PDS5A: variants seen among roughly 807,000 people sequenced by gnomAD.
PDS5A encodes PDS5 cohesin associated factor A.
Under a neutral mutation model 167.1 loss-of-function variants are expected in PDS5A, and 42 were observed. That is an observed-to-expected ratio of 0.25 (90% CI 0.20 to 0.33). The LOEUF (loss-of-function observed/expected upper bound fraction) is 0.33. PDS5A is among the 10% of genes least tolerant of loss of function. The pLI is 1.00. For synonymous variants in PDS5A, 553 were observed against 554.6 expected, an observed-to-expected ratio of 1.00 and a Z score of 0.04; for missense variants, 1,033 against 1,605.9, an observed-to-expected ratio of 0.64 and a Z score of 6.10.
At chr4:39,961,195 A>G (rs1729445869) in intron 2 of PDS5A, among the ~76,000 whole-genome samples, 1 of 152,208 alleles carries the variant, frequency 6.6e-6, no homozygotes, top group Non-Finnish European at 1.5e-5. Flanking sequence ...ATCCCTGAAA[A>G]GTATAATCTT....
chr4:39,906,179 G>T (rs912845903), intron 11 of PDS5A, among the ~76,000 whole-genome samples: 3 of 152,058 alleles, frequency 2.0e-5, no homozygotes, highest in Non-Finnish European at 4.4e-5. Context: ...ACCAGCTTGG[G>T]CAACATGGTG....
chr4:39,886,824 G>A (rs1054327930), intron 17 of PDS5A, among the ~76,000 whole-genome samples: 2 of 150,946 alleles, frequency 1.3e-5, no homozygotes, highest in African/African-American at 4.9e-5. Flanking sequence ...AGTATTTCTT[G>A]TAATAGATCT....
intron 18 of PDS5A, among the ~76,000 whole-genome samples, chr4:39,877,937 C>T (rs531168340): frequency 1.3e-5 from 2 of 152,232 alleles, no homozygotes; most frequent in African/African-American, 4.8e-5. Context: ...ACATAATTAT[C>T]AACAAAGAAG....
chr4:39,935,355 C>T (rs1726495102), intron 2 of PDS5A, among the ~76,000 whole-genome samples: 2 of 152,320 alleles, frequency 1.3e-5, no homozygotes, highest in South Asian at 4.1e-4. Flanking sequence ...GCCTTGGCCT[C>T]CCAAAGCGCT....
chr4:39,944,668 C>A (rs1014708215), intron 2 of PDS5A, among the ~76,000 whole-genome samples: 8 of 134,588 alleles, frequency 5.9e-5, no homozygotes, highest in African/African-American at 2.1e-4. Context: ...CACTCCAGCC[C>A]GGGCAACAAC....
Position 39,977,252 on chromosome 4 carries a change from C to G in PDS5A, c.-41+205G>C, listed in dbSNP as rs1221628349. On this transcript the variant is annotated intron_variant, in intron 1 of 32. Transcript: ENST00000303538. The surrounding 1 kb of genome is among the most constrained non-coding windows in gnomAD (Gnocchi z 4.2). ...GCGGCTGACGCGCCTCCGCACTTCA[C>G]ATTTTGTTCCTTCAACTTCGGCTGA... Among the ~76,000 whole-genome samples, 3 of 152,106 alleles carry G rather than the reference C, an allele frequency of 2.0e-5. No individual in the cohort carries two copies. The highest frequency in any genetic ancestry group is 4.4e-5 in the Non-Finnish European group (3 of 67,996).
At chr4:39,841,665 C>T (rs1379049796) in intron 31 of PDS5A, among the ~76,000 whole-genome samples, 1 of 152,096 alleles carries the variant, frequency 6.6e-6, no homozygotes, top group Non-Finnish European at 1.5e-5. Context: ...GTGCCAACCA[C>T]CACGCCCCGG....
At chr4:39,970,608 G>C (rs918238716) in intron 2 of PDS5A, among the ~76,000 whole-genome samples, 1 of 151,550 alleles carries the variant, frequency 6.6e-6, no homozygotes, top group African/African-American at 2.4e-5. Context: ...AACAACCAAA[G>C]TAAATATGGC....
At position 39,976,440 on chromosome 4, in the gene PDS5A, C is replaced by T. The variant is rs183378231; in HGVS notation, c.138G>A (p.Lys46=). ...ITTDEMIKRL[K]MVVKTFMDMD... ...CATCAAAATCCGTCCAGACACTTACCTTCAGGCGTTTGATCATCTCGTCCG... is the reference window on the plus strand; with the variant it reads ...CATCAAAATCCGTCCAGACACTTACTTTCAGGCGTTTGATCATCTCGTCCG... Residue 46 remains lysine (K), a splice_region_variant and synonymous_variant, in exon 2 of 33, where the codon AAG becomes AAA. Coordinates refer to ENST00000303538, the MANE Select transcript of PDS5A (RefSeq NM_001100399.2). 9.7e-5 allele frequency: 156 copies of T among 1,611,686 alleles called. No homozygotes were observed. The African/African-American group carries it at 1.9e-3, about 20-fold the overall frequency.
intron 31 of PDS5A, among the ~76,000 whole-genome samples, chr4:39,839,539 A>G (rs1716755297): frequency 6.6e-6 from 1 of 152,020 alleles, no homozygotes; most frequent in African/African-American, 2.4e-5. Flanking sequence ...ACTGCACTTT[A>G]GCCTGGGCAA....
chr4:39,976,409 C>A (rs754520690), intron 2 of PDS5A, 31 bp downstream of exon 2: 2 of 1,595,416 alleles, frequency 1.3e-6, no homozygotes, highest in African/African-American at 1.3e-5. Context: ...CGCCTTCTAC[C>A]AAAGACATCA....
rs911501927 is a variant in PDS5A, at chr4:39,973,502, A to G, written c.138+2938T>C. 3.0e-6 allele frequency: 4 copies of G among 1,315,118 alleles called. No homozygotes were observed. The African/African-American group carries it at 4.3e-5, about 14-fold the overall frequency. 81.5% of individuals were successfully genotyped at this position (1,315,118 alleles called of 1,614,324 possible). A position where few individuals can be genotyped will look rare whatever the true frequency, so the allele number is the denominator to read the frequency against. Reference sequence around the variant, plus strand: ...AATCTTGATGATAGTATTGATGATGAACGTCTCCAGAAAGAGTTTTCTCCA... The same window carrying G: ...AATCTTGATGATAGTATTGATGATGGACGTCTCCAGAAAGAGTTTTCTCCA... On this transcript the variant is annotated intron_variant, in intron 2 of 32. Transcript: ENST00000303538.
intron 32 of PDS5A, among the ~76,000 whole-genome samples, chr4:39,833,300 G>A (rs1239185851): frequency 6.6e-6 from 1 of 151,610 alleles, no homozygotes; most frequent in East Asian, 1.9e-4. Flanking sequence ...GTCTGGTGAA[G>A]CTTGGGTGGA....
intron 19 of PDS5A, 148 bp from the exon 20 acceptor site, chr4:39,874,560 A>C: frequency 4.7e-6 from 3 of 633,430 alleles, no homozygotes; most frequent in Non-Finnish European, 8.0e-6. Context: ...GTTGTAAAAA[A>C]GCTCCATCTC....
At chr4:39,926,700 A>C in intron 4 of PDS5A, 75 bp downstream of exon 4, 1 of 1,029,450 alleles carries the variant, frequency 9.7e-7, no homozygotes, top group Non-Finnish European at 1.3e-6. Flanking sequence ...CTCATTTTAC[A>C]TTACAAAGTT....
intron 8 of PDS5A, among the ~76,000 whole-genome samples, chr4:39,915,956 C>T (rs1724335413): frequency 6.6e-6 from 1 of 152,054 alleles, no homozygotes; most frequent in African/African-American, 2.4e-5. Context: ...ATTCCTTGAC[C>T]AGGCTCAGTG....
chr4:39,903,944 T>TA (rs1723089299), intron 12 of PDS5A, 96 bp downstream of exon 12: 1 of 588,304 alleles, frequency 1.7e-6, no homozygotes, highest in South Asian at 4.4e-5. Context: ...ATGAAGTAAA[T>TA]ACATAAAAAT....
Position 39,903,468 on chromosome 4 carries a change from C to T in PDS5A, c.1385+572G>A, listed in dbSNP as rs552214958. On this transcript the variant is annotated intron_variant, in intron 12 of 32. Coordinates refer to ENST00000303538, the MANE Select transcript of PDS5A (RefSeq NM_001100399.2). ...ATTAAACAAAACAATGGAAACTATT[C>T]TGCACACACCAAGTATCATTTGTAC... Among the ~76,000 whole-genome samples the T allele has an allele frequency of 5.3e-5, 8 of 152,312 alleles. No homozygotes were observed. The Middle Eastern group carries it at 0.017, about 324-fold the overall frequency.
chr4:39,955,993 C>T (rs1728888662), intron 2 of PDS5A, among the ~76,000 whole-genome samples: 1 of 151,644 alleles, frequency 6.6e-6, no homozygotes, highest in Non-Finnish European at 1.5e-5. Context: ...TGGCACACAC[C>T]TGTAGTCCCA....
Sources: gnomAD v4.1 joint callset for allele counts (sites outside exome capture counted in the v4.1 genomes callset) on GRCh38, gnomAD v4.1.1 for gene constraint, Gnocchi (gnomAD v3.1) non-coding constraint, MANE v1.5 for transcripts, NCBI Gene and HGNC (gene_info 2026-07-23, HGNC 2026-07-21) for gene names.